Variants in INCENP observed in about 807,000 individuals in gnomAD.
INCENP encodes binds and activates aurora-B and -C in vivo and in vitro.
In INCENP, 43 loss-of-function variants were observed where a neutral mutation model predicts 107.3. That is an observed-to-expected ratio of 0.40 (90% confidence interval 0.31 to 0.52). INCENP has a LOEUF of 0.52. Ranked by LOEUF, INCENP falls within the 20% of genes least tolerant of loss-of-function variation. INCENP has a pLI of 0.53. For synonymous variants in INCENP, 488 were observed against 494.4 expected, an observed-to-expected ratio of 0.99 and a Z score of 0.17; for missense variants, 1,089 against 1,250.9, an observed-to-expected ratio of 0.87 and a Z score of 1.95.
At chr11:62,137,187 C>G (rs1944010949) in intron 4 of INCENP, among the ~76,000 whole-genome samples, 1 of 152,164 alleles carries the variant, frequency 6.6e-6, no homozygotes, top group Non-Finnish European at 1.5e-5. Flanking sequence ...AACCCTGTCT[C>G]TATTAAAAAT....
intron 8 of INCENP, among the ~76,000 whole-genome samples, 178 bp from the exon 9 acceptor site, chr11:62,140,526 T>C (rs906412556): frequency 6.6e-6 from 1 of 152,228 alleles, no homozygotes; most frequent in Non-Finnish European, 1.5e-5. Flanking sequence ...CATGTGACCT[T>C]GGACTGTTCA....
Position 62,130,066 on chromosome 11 carries a change from A to C in INCENP, c.539A>C (p.Glu180Ala). The C allele has an allele frequency of 6.2e-7, 1 of 1,613,684 alleles. No individual in the cohort carries two copies. Residue 180 changes from glutamate to alanine, a missense_variant, in exon 4 of 19, where the codon GAG becomes GCG. Physicochemically the swap from Glu to Ala is moderately radical, Grantham distance 107. Transcript: ENST00000394818. Reference protein sequence around the residue: ...EIGISERQNAEQHVTQLMSTE... With the variant: ...EIGISERQNAAQHVTQLMSTE... ...GGCATCAGTGAGCGCCAGAATGCTG[A>C]GCAGCATGTCACCCAGCTCATGTCC...
In INCENP at chr11:62,140,774, C is replaced by A. The variant is rs762073678; in HGVS notation, c.1414C>A (p.Gln472Lys). The A allele has an allele frequency of 5.6e-6, 9 of 1,610,990 alleles. No individual in the cohort carries two copies. The highest frequency in any genetic ancestry group is 7.6e-6 in the Non-Finnish European group (9 of 1,179,388). Residue 472 changes from glutamine to lysine, a missense_variant, in exon 9 of 19, where the codon CAG becomes AAG. By Grantham distance (53) the Gln-to-Lys change is moderately conservative. Coordinates refer to ENST00000394818, the MANE Select transcript of INCENP (RefSeq NM_001040694.2). ...EEQHLEDEELQPPRSKTPSSP... is the reference protein window; with the variant it reads ...EEQHLEDEELKPPRSKTPSSP... ...GCAGCACCTGGAGGATGAGGAGCTG[C>A]AGCCCCCCAGGAGCAAGACCCCTTC...
Position 62,140,835 on chromosome 11 carries a change from C to G in INCENP, c.1461+14C>G, listed in dbSNP as rs1399535351. On this transcript the variant is annotated intron_variant, in intron 9 of 18. Coordinates refer to ENST00000394818, the MANE Select transcript of INCENP (RefSeq NM_001040694.2). ...CCAGCCAGCAAGGTGAGCCAGGCAC[C>G]TGCCCTCTCCTGGAGCCCTGACCCC... is the stretch of plus-strand genomic sequence containing the variant. 6.2e-7 allele frequency: 1 copy of G among 1,613,588 alleles called. No individual in the cohort carries two copies. The highest frequency in any genetic ancestry group is 2.2e-5 in the East Asian group (1 of 44,874).
At chr11:62,131,014 C>A (rs1007821978) in intron 4 of INCENP, among the ~76,000 whole-genome samples, 4 of 152,184 alleles carry the variant, frequency 2.6e-5, no homozygotes, top group African/African-American at 9.6e-5. Context: ...CTCATTCCTC[C>A]CAACCCTATG....
chr11:62,136,032 A>C lies in INCENP; in HGVS notation c.1064-1800A>C, dbSNP rs567483778. On this transcript the variant is annotated intron_variant, in intron 4 of 18. Transcript: ENST00000394818. ...CACCGTGGTCTCGATCTCCTGACCT[A>C]GTGATCCGCCCGCCTCGGCCTCCCA... Among the ~76,000 whole-genome samples the C allele has an allele frequency of 1.6e-4, 25 of 152,070 alleles. No homozygotes were observed. The East Asian group carries it at 3.5e-3, about 21-fold the overall frequency.
At chr11:62,125,056 T>A (rs1943721047) in intron 1 of INCENP, among the ~76,000 whole-genome samples, 1 of 151,982 alleles carries the variant, frequency 6.6e-6, no homozygotes, top group South Asian at 2.1e-4. Context: ...GTGGAAGAAG[T>A]GTTGGAGAGG....
chr11:62,137,939 A>C, intron 5 of INCENP, 56 bp downstream of exon 5: 1 of 1,479,026 alleles, frequency 6.8e-7, no homozygotes, highest in Non-Finnish European at 9.5e-7. Context: ...ACAGGGAGCC[A>C]AGGTGAGCAC....
chr11:62,126,432 G>A (rs1309313892), intron 1 of INCENP, among the ~76,000 whole-genome samples: 2 of 152,108 alleles, frequency 1.3e-5, no homozygotes, highest in African/African-American at 4.8e-5. Context: ...TCCTGACCTC[G>A]TGATCTGCCC....
chr11:62,139,035 G>A, intron 7 of INCENP, 30 bp downstream of exon 7: 1 of 1,521,432 alleles, frequency 6.6e-7, no homozygotes, highest in Non-Finnish European at 9.1e-7. Flanking sequence ...CGTGTGCAGT[G>A]CCCGGAGCCA....
chr11:62,146,079 T>C (rs1265222522), intron 14 of INCENP, among the ~76,000 whole-genome samples: 2 of 152,218 alleles, frequency 1.3e-5, no homozygotes, highest in Admixed American at 6.5e-5. Flanking sequence ...GAGGGTTAAA[T>C]GTGTTAATGT....
At position 62,145,759 on chromosome 11, in the gene INCENP, C is replaced by T. The variant is rs771162995; in HGVS notation, c.1959+8C>T. 1 of 1,550,128 alleles carries T rather than the reference C, an allele frequency of 6.5e-7. No homozygotes were observed. Among genetic ancestry groups the T allele is most frequent in the Non-Finnish European group, 8.7e-7 (1 of 1,146,854 alleles). On this transcript the variant is annotated splice_region_variant and intron_variant, in intron 14 of 18. Transcript: ENST00000394818. ...CTCAGGTGGCTGCAGCAGGTGCGAG[C>T]ACAGGTGGGCCTCAGGGAGGAGGTG...
At chr11:62,147,046 C>A in intron 15 of INCENP, 144 bp downstream of exon 15, 1 of 1,325,148 alleles carries the variant, frequency 7.5e-7, no homozygotes. Flanking sequence ...CACCTGAATA[C>A]ACTGCCCATT....
At chr11:62,137,805 C>A (rs749011840) in intron 4 of INCENP, 27 bp from the exon 5 acceptor site, 3 of 1,612,282 alleles carry the variant, frequency 1.9e-6, no homozygotes, top group African/African-American at 2.7e-5. Context: ...CTGATGAGAT[C>A]TTTTGTGCCT....
At chr11:62,139,383 C>T (rs1944062740) in intron 7 of INCENP, among the ~76,000 whole-genome samples, 1 of 152,208 alleles carries the variant, frequency 6.6e-6, no homozygotes, top group Non-Finnish European at 1.5e-5. Context: ...CCCCCGCCAG[C>T]TCCTTTCTGA....
rs144797386 is a variant in INCENP, at chr11:62,140,969, G to A, written c.1518G>A (p.Met506Ile). The A allele has an allele frequency of 1.0e-3, 1,661 of 1,614,104 alleles. 2 individuals carry two copies. Among genetic ancestry groups the A allele is most frequent in the Non-Finnish European group, 1.2e-3 (1,427 of 1,180,036 alleles). ...LHTVQRNQML[M>I]TPTSAPRSVM... ...CAGTGCAGAGGAACCAGATGCTCATGACCCCGACCTCAGCCCCACGCAGCG... is the reference window on the plus strand; with the variant it reads ...CAGTGCAGAGGAACCAGATGCTCATAACCCCGACCTCAGCCCCACGCAGCG... Residue 506 changes from methionine to isoleucine, a missense_variant, in exon 10 of 19, where the codon ATG (methionine) becomes ATA (isoleucine). Transcript: ENST00000394818.
rs1265240012 is a variant in INCENP at position 62,140,954 on chromosome 11, G to C, written c.1503G>C (p.Arg501Ser). 6.2e-7 allele frequency: 1 copy of C among 1,614,208 alleles called. No individual in the cohort carries two copies. ...PLRTFLHTVQ[R>S]NQMLMTPTSA... ...GGACCTTTCTGCACACAGTGCAGAG[G>C]AACCAGATGCTCATGACCCCGACCT... is the stretch of plus-strand genomic sequence containing the variant. Residue 501 changes from arginine (R) to serine (S), a missense_variant, in exon 10 of 19, where the codon AGG becomes AGC. Coordinates refer to ENST00000394818, the MANE Select transcript of INCENP (RefSeq NM_001040694.2).
At chr11:62,126,014 A>G (rs986239054) in intron 1 of INCENP, among the ~76,000 whole-genome samples, 2 of 152,164 alleles carry the variant, frequency 1.3e-5, no homozygotes, top group South Asian at 2.1e-4. Context: ...ATGTGAGACA[A>G]TGTTCCAGAC....
chr11:62,143,186 TC>T (rs1440362612), intron 11 of INCENP, among the ~76,000 whole-genome samples: 1,181 of 147,996 alleles, frequency 8.0e-3, no homozygotes, highest in Admixed American at 0.013. Context: ...TCACAGCTCC[TC>T]CCTCGAATTT....
Sources: allele counts gnomAD v4.1 joint callset (sites outside exome capture counted in the v4.1 genomes callset), GRCh38; gene constraint gnomAD v4.1.1; transcripts MANE v1.5; gene names NCBI Gene and HGNC (gene_info 2026-07-23, HGNC 2026-07-21).